The following STXBP5 variants were observed in gnomAD, a reference collection of about 807,000 sequenced individuals.
The protein encoded by STXBP5 is syntaxin binding protein 5, also known as syntaxin-binding protein 5.
In STXBP5, 50 loss-of-function variants were observed where a neutral mutation model predicts 152.4. That is an observed-to-expected ratio of 0.33 (90% CI 0.26 to 0.42). STXBP5 has a LOEUF of 0.42. Among genes scored for constraint, STXBP5 ranks in the 10% least tolerant of loss-of-function variants. The probability of loss-of-function intolerance (pLI) is 1.00; values close to 1 mark genes in which losing one functional copy is unlikely to be tolerated. For missense variants in STXBP5, 1,167 were observed against 1,388.6 expected, an observed-to-expected ratio of 0.84 and a Z score of 2.54; for synonymous variants, 492 against 494.7, an observed-to-expected ratio of 0.99 and a Z score of 0.07.
At chr6:147,345,943 G>C (rs976698186) in intron 21 of STXBP5, among the ~76,000 whole-genome samples, 4 of 152,058 alleles carry the variant, frequency 2.6e-5, no homozygotes, top group African/African-American at 9.7e-5. Flanking sequence ...TCCTTATTCA[G>C]GTTTATAAGA....
At chr6:147,370,551 CAG>C (rs747900480) in intron 25 of STXBP5, among the ~76,000 whole-genome samples, 2 of 151,882 alleles carry the variant, frequency 1.3e-5, no homozygotes, top group Admixed American at 6.6e-5. Context: ...GTGAAAAACA[CAG>C]AGATAATTTA....
intron 26 of STXBP5, among the ~76,000 whole-genome samples, chr6:147,378,683 G>A (rs1785929951): frequency 6.6e-6 from 1 of 151,974 alleles, no homozygotes; most frequent in African/African-American, 2.4e-5. Flanking sequence ...GACATATTTA[G>A]AAGAACCAAA....
In STXBP5 at chr6:147,258,752, T is replaced by C. The variant is rs776090558; in HGVS notation, c.432-1863T>C. Among the ~76,000 whole-genome samples, 7 of 152,302 alleles carry C rather than the reference T, an allele frequency of 4.6e-5. No individual in the cohort carries two copies. In the South Asian group the frequency reaches 6.2e-4, roughly 14 times the overall value. On this transcript the variant is annotated intron_variant, in intron 4 of 27. Transcript: ENST00000321680. ...CCAGCCCATAACACATAATTTTAAGTGCTCTAACACATTACTCCTTTTAAG... is the reference window on the plus strand; with the variant it reads ...CCAGCCCATAACACATAATTTTAAGCGCTCTAACACATTACTCCTTTTAAG...
At chr6:147,212,103 G>T (rs892360721) in intron 2 of STXBP5, among the ~76,000 whole-genome samples, 2 of 152,214 alleles carry the variant, frequency 1.3e-5, no homozygotes, top group Admixed American at 1.3e-4. Flanking sequence ...TCTTAGCATG[G>T]ACTACCGCAG....
intron 6 of STXBP5, among the ~76,000 whole-genome samples, chr6:147,262,832 T>C (rs537041227): frequency 1.3e-5 from 2 of 152,086 alleles, no homozygotes; most frequent in South Asian, 2.1e-4. Flanking sequence ...TAATTTTTAA[T>C]ACTCTGAAAC....
At chr6:147,359,860 T>C (rs1368450431) in intron 23 of STXBP5, among the ~76,000 whole-genome samples, 1 of 152,090 alleles carries the variant, frequency 6.6e-6, no homozygotes, top group African/African-American at 2.4e-5. Flanking sequence ...CAGTCTATCA[T>C]TGTTGGACAT....
intron 26 of STXBP5, among the ~76,000 whole-genome samples, chr6:147,374,583 T>C (rs1220475174): frequency 6.6e-6 from 1 of 151,872 alleles, no homozygotes; most frequent in Non-Finnish European, 1.5e-5. Flanking sequence ...TGAGGAAAAT[T>C]TATAACGTTA....
At chr6:147,284,689 A>G (rs1167015817) in intron 8 of STXBP5, among the ~76,000 whole-genome samples, 3 of 152,244 alleles carry the variant, frequency 2.0e-5, no homozygotes, top group Non-Finnish European at 4.4e-5. Flanking sequence ...ACAAAGGCAC[A>G]AAGACATAAA....
intron 22 of STXBP5, among the ~76,000 whole-genome samples, chr6:147,354,464 CAA>C (rs1179541338): frequency 5.8e-5 from 8 of 137,428 alleles, no homozygotes; most frequent in East Asian, 2.1e-4. Context: ...TTTTCTCCAC[CAA>C]AAAAAAAAAA....
rs375927984 is a variant in STXBP5, at chr6:147,316,280, G to T, written c.1675G>T (p.Gly559Cys). The T allele has an allele frequency of 2.5e-6, 4 of 1,613,720 alleles. No homozygotes were observed. Among genetic ancestry groups the T allele is most frequent in the Non-Finnish European group, 3.4e-6 (4 of 1,179,948 alleles). ...YEINDVETPE[G>C]EQPPPLPTPV... is the part of the protein sequence containing the mutation. Reference sequence around the variant, plus strand: ...GATAAATGATGTGGAAACTCCGGAGGGTGAGCAGCCACCACCTTTGCCAAC... The same window carrying T: ...GATAAATGATGTGGAAACTCCGGAGTGTGAGCAGCCACCACCTTTGCCAAC... The change falls in exon 16 of 28, where the codon GGT (glycine) becomes TGT (cysteine). Residue 559 changes from glycine (G) to cysteine (C), a missense_variant. Gly to Cys is a radical substitution (Grantham distance 159, BLOSUM62 -3). This residue lies in a region of STXBP5 where 833 missense variants were observed against 986.3 expected (regional missense o/e 0.84). Transcript: ENST00000321680.
intron 25 of STXBP5, among the ~76,000 whole-genome samples, chr6:147,365,969 G>C (rs1367662128): frequency 6.6e-6 from 1 of 152,108 alleles, no homozygotes; most frequent in Non-Finnish European, 1.5e-5. Context: ...CAAATTACTG[G>C]ACATCTGGCA....
At position 147,204,601 on chromosome 6, in the gene STXBP5, G is replaced by C; in HGVS notation, c.69G>C (p.Gln23His). The change falls in exon 1 of 28, where the codon CAG becomes CAC. Residue 23 changes from glutamine to histidine, a missense_variant. Gln to His is a conservative substitution (Grantham distance 24). Coordinates refer to ENST00000321680, the MANE Select transcript of STXBP5 (RefSeq NM_001127715.4). This position sits in a 1 kb window ranked among gnomAD's most constrained non-coding sequence, Gnocchi z 4.3. ...LTAGSSSASQ[Q>H]QQQQHPPGNR... is the part of the protein sequence containing the mutation. ...CCGGCTCGTCCTCGGCGTCGCAGCAGCAACAGCAGCAGCATCCGCCTGGGA... is the reference window on the plus strand; with the variant it reads ...CCGGCTCGTCCTCGGCGTCGCAGCACCAACAGCAGCAGCATCCGCCTGGGA... The C allele has an allele frequency of 6.2e-7, 1 of 1,610,740 alleles. No individual in the cohort carries two copies. The highest frequency in any genetic ancestry group is 8.5e-7 in the Non-Finnish European group (1 of 1,178,532).
At chr6:147,333,406 C>A (rs139280193) in intron 18 of STXBP5, among the ~76,000 whole-genome samples, 44 of 152,256 alleles carry the variant, frequency 2.9e-4, no homozygotes, top group Middle Eastern at 6.8e-3. Flanking sequence ...CACCTGTAGT[C>A]CCAGCTACTT....
At chr6:147,245,150 G>A (rs749218350) in intron 4 of STXBP5, among the ~76,000 whole-genome samples, 1 of 151,582 alleles carries the variant, frequency 6.6e-6, no homozygotes, top group Non-Finnish European at 1.5e-5. Flanking sequence ...CACCAAGCCC[G>A]GCTAATTTTT....
intron 7 of STXBP5, among the ~76,000 whole-genome samples, chr6:147,269,886 G>A (rs597631): frequency 0.5 from 75,482 of 151,850 alleles, 18,991 homozygotes; most frequent in East Asian, 0.73. Flanking sequence ...GAGTGGAGAG[G>A]AAGTATGTTT....
intron 25 of STXBP5, among the ~76,000 whole-genome samples, chr6:147,369,871 G>T (rs1785462951): frequency 1.3e-5 from 2 of 151,874 alleles, no homozygotes; most frequent in Admixed American, 1.3e-4. Flanking sequence ...AAACAATTCT[G>T]GAGTTTTCTA....
chr6:147,295,127 C>T (rs1472756173), intron 9 of STXBP5, among the ~76,000 whole-genome samples: 1 of 152,118 alleles, frequency 6.6e-6, no homozygotes, highest in Non-Finnish European at 1.5e-5. Context: ...ATGTCTGGCA[C>T]ATTATAGGTG....
chr6:147,249,395 C>T (rs1387584728), intron 4 of STXBP5, among the ~76,000 whole-genome samples: 2 of 152,082 alleles, frequency 1.3e-5, no homozygotes, highest in African/African-American at 4.8e-5. Flanking sequence ...GATAGAAAAG[C>T]ACATACTGCC....
chr6:147,230,214 CA>C (rs1184719707), intron 2 of STXBP5, among the ~76,000 whole-genome samples: 2 of 151,592 alleles, frequency 1.3e-5, no homozygotes, highest in Admixed American at 1.3e-4. Flanking sequence ...TTAATTTTGC[CA>C]AGTATTGGTC....
Sources: gnomAD v4.1 joint callset for allele counts (sites outside exome capture counted in the v4.1 genomes callset) on GRCh38, gnomAD v4.1.1 for gene constraint, gnomAD v4.1.1 regional missense constraint, Gnocchi (gnomAD v3.1) non-coding constraint, MANE v1.5 for transcripts, NCBI Gene and HGNC (gene_info 2026-07-23, HGNC 2026-07-21) for gene names.